Variants in DEDD2 observed in about 807,000 individuals in gnomAD.
DEDD2 encodes death effector domain containing 2, also known as DNA-binding death effector domain-containing protein 2.
DEDD2 carries 18 observed loss-of-function variants against 28.9 expected under a neutral mutation model. That is an observed-to-expected ratio of 0.62 (90% CI 0.43 to 0.92). The LOEUF (loss-of-function observed/expected upper bound fraction) is 0.92, where lower values mean the gene tolerates loss of function less well. Among genes scored for constraint, DEDD2 ranks in the 40% least tolerant of loss-of-function variants. DEDD2 has a pLI of 0.00. For synonymous variants in DEDD2, 211 were observed against 206.1 expected, an observed-to-expected ratio of 1.02 and a Z score of -0.20; for missense variants, 411 against 463.3, an observed-to-expected ratio of 0.89 and a Z score of 1.04.
rs545395414 is a variant in DEDD2, at chr19:42,199,478, A to G, written c.941T>C (p.Met314Thr). The change falls in exon 5 of 5, where the codon ATG becomes ACG. Residue 314 changes from methionine (M) to threonine (T), a missense_variant. Coordinates refer to ENST00000596251, the MANE Select transcript of DEDD2 (RefSeq NM_133328.4). This position sits in a 1 kb window ranked among gnomAD's most constrained non-coding sequence, Gnocchi z 7.4. ...CGGGCGCCGCCCCCCTTCCTCCTCC[A>G]TCAGCAACAGGCGGCGCCGGCCAGC... Reference protein sequence around the residue: ...YEAGRRRLLLMEEEGGRRPTE... With the variant: ...YEAGRRRLLLTEEEGGRRPTE... The G allele has an allele frequency of 8.1e-6, 13 of 1,611,626 alleles. No homozygotes were observed. In the East Asian group the frequency reaches 2.7e-4, roughly 33 times the overall value.
chr19:42,215,126 G>T lies in DEDD2; in HGVS notation c.448+7C>A. On this transcript the variant is annotated splice_region_variant and intron_variant, in intron 3 of 4. Coordinates refer to ENST00000596251, the MANE Select transcript of DEDD2 (RefSeq NM_133328.4). ...TGCTGCCATTACACCCACCCAGCTGGGCTCACCTGTCTCCCACTGACCCTG... is the reference window on the plus strand; with the variant it reads ...TGCTGCCATTACACCCACCCAGCTGTGCTCACCTGTCTCCCACTGACCCTG... The T allele has an allele frequency of 6.2e-7, 1 of 1,613,750 alleles. No individual in the cohort carries two copies. The highest frequency in any genetic ancestry group is 8.5e-7 in the Non-Finnish European group (1 of 1,179,974).
In DEDD2 at chr19:42,200,044, C is replaced by A. The variant is rs78863289; in HGVS notation, c.590-215G>T. Reference sequence around the variant, plus strand: ...CCTCCTCACTGCTCCAACAAGCCTCCCCACCGCCAGGGGTGCTCTTTCCCT... The same window carrying A: ...CCTCCTCACTGCTCCAACAAGCCTCACCACCGCCAGGGGTGCTCTTTCCCT... On this transcript the variant is annotated intron_variant, in intron 4 of 4. Transcript: ENST00000596251. Among the ~76,000 whole-genome samples, 1,020 of 152,206 alleles carry A rather than the reference C, an allele frequency of 6.7e-3. 13 individuals are homozygous for A. Among genetic ancestry groups the A allele is most frequent in the African/African-American group, 0.023 (974 of 41,500 alleles).
rs2035219149 is a variant in DEDD2, at chr19:42,199,125, A to G, written c.*313T>C. ...CAGACAGCCCAAGATCAGAGATACA[A>G]TGTGCAGGGGGGCCTTTGGTGAGTG... On this transcript the variant is annotated 3_prime_UTR_variant, in exon 5 of 5. Coordinates refer to ENST00000596251, the MANE Select transcript of DEDD2 (RefSeq NM_133328.4). This position sits in a 1 kb window ranked among gnomAD's most constrained non-coding sequence, Gnocchi z 7.4. 3 of 392,708 alleles carry G rather than the reference A, an allele frequency of 7.6e-6. No homozygotes were observed. The highest frequency in any genetic ancestry group is 1.4e-5 in the Non-Finnish European group (3 of 214,712). 24.3% of individuals were successfully genotyped at this position (392,708 alleles called of 1,614,324 possible). A position where few individuals can be genotyped will look rare whatever the true frequency, so the allele number is the denominator to read the frequency against.
At chr19:42,208,526 G>A (rs1455907074) in intron 4 of DEDD2, among the ~76,000 whole-genome samples, 1 of 152,208 alleles carries the variant, frequency 6.6e-6, no homozygotes. Flanking sequence ...TTTCCAGATG[G>A]AGTTAGAGTT....
chr19:42,217,228 G>A (rs557888536), intron 1 of DEDD2, among the ~76,000 whole-genome samples, 183 bp from the exon 2 acceptor site: 7 of 152,014 alleles, frequency 4.6e-5, no homozygotes, highest in Non-Finnish European at 1.0e-4. Flanking sequence ...AGAACAGGTC[G>A]GGACGCCGGA....
intron 4 of DEDD2, among the ~76,000 whole-genome samples, chr19:42,200,659 G>C (rs1364002471): frequency 6.6e-6 from 1 of 152,222 alleles, no homozygotes; most frequent in Admixed American, 6.5e-5. Flanking sequence ...ACTGTGCCAA[G>C]AGGAGAGAAG....
At chr19:42,212,195 G>A (rs916460973) in intron 3 of DEDD2, among the ~76,000 whole-genome samples, 7 of 151,510 alleles carry the variant, frequency 4.6e-5, no homozygotes, top group African/African-American at 1.2e-4. Flanking sequence ...GTGAAACTGC[G>A]TCCCTACTAA....
rs1014867072 is a variant in DEDD2 at position 42,211,145 on chromosome 19, A to C, written c.449-1305T>G. ...GTCGGATGTTGTGGTTCATGTCTGTAATCCCAGCCTACGCCCTAGGAGTTC... is the reference window on the plus strand; with the variant it reads ...GTCGGATGTTGTGGTTCATGTCTGTCATCCCAGCCTACGCCCTAGGAGTTC... On this transcript the variant is annotated intron_variant, in intron 3 of 4. Transcript: ENST00000596251. 3.3e-5 allele frequency among the ~76,000 whole-genome samples: 5 copies of C among 151,992 alleles called. No individual in the cohort carries two copies. The East Asian group carries it at 9.6e-4, about 29-fold the overall frequency.
At chr19:42,219,495 G>A (rs1314762382), upstream of DEDD2, among the ~76,000 whole-genome samples, 1 of 152,048 alleles carries the variant, frequency 6.6e-6, no homozygotes, top group African/African-American at 2.4e-5. Context: ...CCAACTACTC[G>A]GGAGGCTAAG....
upstream of DEDD2, among the ~76,000 whole-genome samples, chr19:42,219,617 C>A (rs1383927089): frequency 2.6e-5 from 4 of 152,190 alleles, no homozygotes; most frequent in Non-Finnish European, 5.9e-5. Flanking sequence ...AACAAACAAA[C>A]CCTCCAAGAA....
intron 4 of DEDD2, among the ~76,000 whole-genome samples, chr19:42,201,213 GAGGTCATTTA>G (rs1398135408): frequency 1.3e-5 from 2 of 152,258 alleles, no homozygotes; most frequent in Non-Finnish European, 2.9e-5. Context: ...GTGCCTGACA[GAGGTCATTTA>G]ACCTCCTATG....
rs1181295938 is a variant in DEDD2, at chr19:42,216,801, C to G, written c.207G>C (p.Leu69=). 1.3e-6 allele frequency: 2 copies of G among 1,585,210 alleles called. No individual in the cohort carries two copies. Among genetic ancestry groups the G allele is most frequent in the African/African-American group, 1.3e-5 (1 of 74,250 alleles). The change falls in exon 2 of 5, where the codon CTG becomes CTC. Residue 69 remains leucine, a synonymous_variant. Transcript: ENST00000596251. The stretch of plus-strand genomic sequence containing the variant: ...ACTGCCCGCGGCGCTCCAGCTCCAG[C>G]AGGAGCTCTAGGCCGCTGCGGGCCC... The part of the protein sequence containing the change: ...LARARSGLEL[L]LELERRGQCD...
chr19:42,203,508 G>C (rs2035412247), intron 4 of DEDD2, among the ~76,000 whole-genome samples: 2 of 152,170 alleles, frequency 1.3e-5, no homozygotes, highest in South Asian at 4.1e-4. Flanking sequence ...GGGCGCTAAG[G>C]GAGAACGGGC....
At chr19:42,217,381 G>A (rs1400930408) in intron 1 of DEDD2, among the ~76,000 whole-genome samples, 7 of 151,742 alleles carry the variant, frequency 4.6e-5, no homozygotes, top group Non-Finnish European at 1.0e-4. Context: ...GGACTGCCCA[G>A]ACGAGCCCCT....
intron 3 of DEDD2, chr19:42,212,084 G>A (rs2035791628): frequency 6.8e-6 from 1 of 146,578 alleles, no homozygotes; most frequent in South Asian, 2.1e-4. Context: ...TAAAAAGTCT[G>A]GCTGGGAGCA....
At position 42,199,726 on chromosome 19, in the gene DEDD2, C is replaced by T. The variant is rs145906925; in HGVS notation, c.693G>A (p.Val231=). ...RPQALARQLD[V]FGQATAVLRS... is the part of the protein sequence containing the mutation. Reference sequence around the variant, plus strand: ...GCAGCACTGCGGTGGCCTGCCCAAACACGTCCAGCTGCCGCGCCAGCGCCT... The same window carrying T: ...GCAGCACTGCGGTGGCCTGCCCAAATACGTCCAGCTGCCGCGCCAGCGCCT... Residue 231 remains valine, a synonymous_variant, in exon 5 of 5, where the codon GTG becomes GTA. Coordinates refer to ENST00000596251, the MANE Select transcript of DEDD2 (RefSeq NM_133328.4). This position sits in a 1 kb window ranked among gnomAD's most constrained non-coding sequence, Gnocchi z 7.4. 8 of 1,613,704 alleles carry T rather than the reference C, an allele frequency of 5.0e-6. No individual in the cohort carries two copies. The African/African-American group carries it at 1.1e-4, about 22-fold the overall frequency.
chr19:42,217,818 G>C (rs1463017863), upstream of DEDD2: 1 of 152,306 alleles, frequency 6.6e-6, no homozygotes, highest in Non-Finnish European at 1.5e-5. Context: ...CGCCCTTCCT[G>C]GGCCGCTTGA....
intron 2 of DEDD2, 38 bp downstream of exon 2, chr19:42,216,642 C>T (rs777514697): frequency 6.2e-5 from 93 of 1,505,680 alleles, no homozygotes; most frequent in Non-Finnish European, 7.4e-5. Context: ...CAGGCCCTTT[C>T]CTCCCAGGAA....
At chr19:42,210,547 C>T (rs1472327099) in intron 3 of DEDD2, among the ~76,000 whole-genome samples, 4 of 152,046 alleles carry the variant, frequency 2.6e-5, no homozygotes, top group Middle Eastern at 3.4e-3. Flanking sequence ...GTGTCTGCCA[C>T]GACAACCGGC....
Sources: gnomAD v4.1 joint callset for allele counts (sites outside exome capture counted in the v4.1 genomes callset) on GRCh38, gnomAD v4.1.1 for gene constraint, Gnocchi (gnomAD v3.1) non-coding constraint, MANE v1.5 for transcripts, NCBI Gene and HGNC (gene_info 2026-07-23, HGNC 2026-07-21) for gene names.